The following RERG variants were observed in gnomAD, a reference collection of about 807,000 sequenced individuals.
The protein encoded by RERG is RAS like estrogen regulated growth inhibitor.
RERG carries 25 observed loss-of-function variants against 23.2 expected under a neutral mutation model. The observed-to-expected ratio is 1.08, with a 90% confidence interval of 0.79 to 1.50. The LOEUF is 1.50. Among genes scored for constraint, RERG ranks in the 40% most tolerant of loss-of-function variants. The pLI, the probability that RERG is intolerant of heterozygous loss-of-function variation, is 0.00. For missense variants in RERG, 253 were observed against 250.1 expected, an observed-to-expected ratio of 1.01 and a Z score of -0.08; for synonymous variants, 81 against 89.1, an observed-to-expected ratio of 0.91 and a Z score of 0.51.
intron 2 of RERG, 40 bp downstream of exon 2, chr12:15,217,389 C>CCACA: frequency 7.8e-7 from 1 of 1,274,220 alleles, no homozygotes; most frequent in Non-Finnish European, 1.1e-6. Flanking sequence ...ACACACTCAC[C>CCACA]CACACACACA....
intron 2 of RERG, among the ~76,000 whole-genome samples, chr12:15,132,356 T>G (rs1864063573): frequency 6.6e-6 from 1 of 152,250 alleles, no homozygotes; most frequent in Non-Finnish European, 1.5e-5. Context: ...GGTTCATCCA[T>G]GCCATTGCCT....
intron 2 of RERG, among the ~76,000 whole-genome samples, chr12:15,143,995 G>T (rs1340639652): frequency 6.6e-6 from 1 of 152,132 alleles, no homozygotes; most frequent in African/African-American, 2.4e-5. Context: ...TAAGGAACAG[G>T]AGGCCACCAG....
intron 2 of RERG, among the ~76,000 whole-genome samples, chr12:15,205,607 T>C (rs1189610907): frequency 6.6e-6 from 1 of 152,112 alleles, no homozygotes; most frequent in Non-Finnish European, 1.5e-5. Flanking sequence ...TTAGATTCAG[T>C]TGTAATTTAT....
intron 2 of RERG, among the ~76,000 whole-genome samples, chr12:15,202,162 TG>T (rs1754997784): frequency 6.6e-6 from 1 of 151,860 alleles, no homozygotes; most frequent in Non-Finnish European, 1.5e-5. Flanking sequence ...GTTTACAATT[TG>T]ATGTGTTTGG....
intron 4 of RERG, 152 bp from the exon 5 acceptor site, chr12:15,109,669 A>G: frequency 1.7e-6 from 1 of 576,090 alleles, no homozygotes; most frequent in East Asian, 2.8e-5. Flanking sequence ...CTTTCTAAAT[A>G]ATTTTAAATA....
chr12:15,162,222 G>C (rs1864625724), intron 2 of RERG, among the ~76,000 whole-genome samples: 1 of 152,202 alleles, frequency 6.6e-6, no homozygotes, highest in Non-Finnish European at 1.5e-5. Flanking sequence ...TGAAATGGCA[G>C]ACTACTCTGG....
At chr12:15,125,037 T>G (rs1034189354) in intron 2 of RERG, among the ~76,000 whole-genome samples, 14 of 151,962 alleles carry the variant, frequency 9.2e-5, no homozygotes, top group African/African-American at 2.9e-4. Context: ...GGATGTATAT[T>G]AAGTGATTTA....
chr12:15,198,974 G>T (rs762147733), intron 2 of RERG, among the ~76,000 whole-genome samples: 8 of 152,112 alleles, frequency 5.3e-5, no homozygotes, highest in Admixed American at 4.6e-4. Context: ...CTCTTGCCAT[G>T]TAAAGAAACA....
chr12:15,117,067 G>T (rs1213673095), intron 3 of RERG, among the ~76,000 whole-genome samples: 1 of 150,716 alleles, frequency 6.6e-6, no homozygotes, highest in Non-Finnish European at 1.5e-5. Flanking sequence ...ATAACTAGAA[G>T]CATATTTTAT....
intron 2 of RERG, among the ~76,000 whole-genome samples, chr12:15,126,778 C>T (rs1189976204): frequency 2.8e-4 from 39 of 136,896 alleles, no homozygotes; most frequent in African/African-American, 8.2e-4. Context: ...GCTGGAGTGG[C>T]GCAATCTCGG....
chr12:15,186,691 G>C (rs1480742985), intron 2 of RERG, among the ~76,000 whole-genome samples: 1 of 152,136 alleles, frequency 6.6e-6, no homozygotes, highest in Non-Finnish European at 1.5e-5. Flanking sequence ...CAGCCATATG[G>C]GATAAATGAC....
chr12:15,202,601 C>A (rs1480296218), intron 2 of RERG, among the ~76,000 whole-genome samples: 1 of 151,736 alleles, frequency 6.6e-6, no homozygotes, highest in Non-Finnish European at 1.5e-5. Flanking sequence ...CCAGGCCCAT[C>A]CATGTTGTTG....
intron 2 of RERG, among the ~76,000 whole-genome samples, chr12:15,203,857 CT>C (rs1865249966): frequency 6.6e-6 from 1 of 151,498 alleles, no homozygotes; most frequent in Non-Finnish European, 1.5e-5. Context: ...AACTTAAAAA[CT>C]TAACCAAGGA....
intron 2 of RERG, among the ~76,000 whole-genome samples, chr12:15,189,383 T>C (rs749981382): frequency 7.2e-5 from 11 of 152,170 alleles, no homozygotes; most frequent in Non-Finnish European, 1.6e-4. Flanking sequence ...TGCTGTTTCC[T>C]TTTCCTAAAA....
intron 3 of RERG, among the ~76,000 whole-genome samples, chr12:15,120,126 C>T (rs1863804720): frequency 1.3e-5 from 2 of 152,058 alleles, no homozygotes; most frequent in Non-Finnish European, 2.9e-5. Context: ...ACGATTTAGA[C>T]AAAAATGTTG....
At chr12:15,178,087 A>G (rs548990578) in intron 2 of RERG, among the ~76,000 whole-genome samples, 2 of 152,190 alleles carry the variant, frequency 1.3e-5, no homozygotes, top group African/African-American at 4.8e-5. Flanking sequence ...TTTTATTGCT[A>G]AAGGGGAATA....
intron 2 of RERG, chr12:15,154,326 T>C (rs1486291139): frequency 6.6e-6 from 1 of 152,248 alleles, no homozygotes; most frequent in Non-Finnish European, 1.5e-5. Context: ...AACCTCATAC[T>C]GCCATCCACG....
chr12:15,117,984 C>A (rs190005024), intron 3 of RERG, among the ~76,000 whole-genome samples: 1 of 152,168 alleles, frequency 6.6e-6, no homozygotes, highest in East Asian at 1.9e-4. Context: ...AAGATTTCAC[C>A]GATCCACAGT....
intron 2 of RERG, among the ~76,000 whole-genome samples, chr12:15,156,045 C>T (rs1387365420): frequency 6.6e-6 from 1 of 150,424 alleles, no homozygotes; most frequent in Non-Finnish European, 1.5e-5. Flanking sequence ...GTTAGAAAAA[C>T]ATTTTTTAAA....
Sources: gnomAD v4.1 joint callset for allele counts (sites outside exome capture counted in the v4.1 genomes callset) on GRCh38, gnomAD v4.1.1 for gene constraint, MANE v1.5 for transcripts, NCBI Gene and HGNC (gene_info 2026-07-23, HGNC 2026-07-21) for gene names.